SMPD3: variants seen among roughly 807,000 people sequenced by gnomAD.
The protein encoded by SMPD3 is nSMase-2.
Under a neutral mutation model 55.7 loss-of-function variants are expected in SMPD3, and 21 were observed. That is an observed-to-expected ratio of 0.38 (90% CI 0.27 to 0.54). The LOEUF (loss-of-function observed/expected upper bound fraction) is 0.54, where lower values mean the gene tolerates loss of function less well. Among genes scored for constraint, SMPD3 ranks in the 20% least tolerant of loss-of-function variants. The pLI is 0.80. For synonymous variants in SMPD3, 457 were observed against 404.3 expected (o/e 1.13, Z -1.56); for missense variants, 842 against 899.6 (o/e 0.94, Z 0.82).
At chr16:68,400,806 A>G (rs1257075840) in intron 1 of SMPD3, among the ~76,000 whole-genome samples, 1 of 152,250 alleles carries the variant, frequency 6.6e-6, no homozygotes, top group Non-Finnish European at 1.5e-5. Context: ...GGGCAGGGCC[A>G]GTCATACCAG....
chr16:68,435,221 G>A (rs573697909), intron 1 of SMPD3, among the ~76,000 whole-genome samples: 2 of 152,312 alleles, frequency 1.3e-5, no homozygotes, highest in South Asian at 4.1e-4. Context: ...GGGTAGGTTG[G>A]GGGAAAGGGA....
intron 1 of SMPD3, among the ~76,000 whole-genome samples, chr16:68,431,226 C>G (rs983466225): frequency 1.3e-5 from 2 of 152,204 alleles, no homozygotes; most frequent in African/African-American, 4.8e-5. Flanking sequence ...TGATGACATG[C>G]TTGGTTCTGA....
intron 7 of SMPD3, 31 bp from the exon 8 acceptor site, chr16:68,361,790 C>T (rs1156724205): frequency 1.2e-6 from 2 of 1,605,362 alleles, no homozygotes; most frequent in Non-Finnish European, 1.7e-6. Context: ...CAGGTGGGCC[C>T]CCATGCCCGC....
intron 1 of SMPD3, among the ~76,000 whole-genome samples, chr16:68,410,901 G>A (rs1006098805): frequency 6.6e-6 from 1 of 152,232 alleles, no homozygotes; most frequent in East Asian, 1.9e-4. Context: ...TCCTAATGAC[G>A]GGCCATGGCA....
At position 68,371,190 on chromosome 16, in the gene SMPD3, T is replaced by C. The variant is rs1287199727; in HGVS notation, c.992A>G (p.Lys331Arg). The C allele has an allele frequency of 3.6e-5, 58 of 1,612,200 alleles. No homozygotes were observed. The highest frequency in any genetic ancestry group is 4.9e-5 in the Non-Finnish European group (58 of 1,179,698). ...SKLLYKASVV[K>R]KAAARRRRHP... The stretch of plus-strand genomic sequence containing the variant: ...CCGCCTCCTGCGTGCAGCCGCCTTC[T>C]TCACCACCGAGGCCTTGTACAGGAG... The change falls in exon 3 of 9, where the codon AAG becomes AGG. Residue 331 changes from lysine (K) to arginine (R), a missense_variant. Physicochemically the swap from Lys to Arg is conservative, Grantham distance 26. Coordinates refer to ENST00000219334, the MANE Select transcript of SMPD3 (RefSeq NM_018667.4).
intron 3 of SMPD3, among the ~76,000 whole-genome samples, chr16:68,367,167 T>C (rs1388199604): frequency 6.6e-6 from 1 of 152,018 alleles, no homozygotes; most frequent in African/African-American, 2.4e-5. Context: ...TGAGACTGTC[T>C]CAAAATAAAT....
intron 3 of SMPD3, 40 bp downstream of exon 3, chr16:68,370,819 A>G (rs778236369): frequency 6.2e-7 from 1 of 1,607,582 alleles, no homozygotes; most frequent in Non-Finnish European, 8.5e-7. Flanking sequence ...CTCTAGGACC[A>G]GCTGGCACGT....
At chr16:68,405,052 T>C (rs2090242048) in intron 1 of SMPD3, among the ~76,000 whole-genome samples, 1 of 152,248 alleles carries the variant, frequency 6.6e-6, no homozygotes, top group Non-Finnish European at 1.5e-5. Flanking sequence ...TTATCATTTG[T>C]GGCATCTGCC....
intron 1 of SMPD3, among the ~76,000 whole-genome samples, chr16:68,418,249 G>A (rs963250033): frequency 1.3e-5 from 2 of 151,052 alleles, no homozygotes; most frequent in Admixed American, 6.6e-5. Context: ...CCGTGTAGAT[G>A]CCCACCGAGT....
At chr16:68,405,545 CA>C (rs67518521) in intron 1 of SMPD3, among the ~76,000 whole-genome samples, 32,971 of 73,726 alleles carry the variant, frequency 0.45, 4,146 homozygotes, top group East Asian at 0.65. Flanking sequence ...GACCCTGTCT[CA>C]AAAAAAAAAA....
At chr16:68,439,664 A>G (rs1041569661) in intron 1 of SMPD3, among the ~76,000 whole-genome samples, 2 of 152,170 alleles carry the variant, frequency 1.3e-5, no homozygotes, top group Non-Finnish European at 2.9e-5. Context: ...TTACAGTTCA[A>G]CGTGCTCTGT....
At chr16:68,413,308 C>T (rs1332517291) in intron 1 of SMPD3, among the ~76,000 whole-genome samples, 2 of 152,212 alleles carry the variant, frequency 1.3e-5, no homozygotes, top group Admixed American at 1.3e-4. Flanking sequence ...GGATAAAGCT[C>T]CCCTTTCCAC....
At position 68,372,071 on chromosome 16, in the gene SMPD3, G is replaced by A. The variant is rs752630748; in HGVS notation, c.111C>T (p.Ser37=). 6.2e-7 allele frequency: 1 copy of A among 1,607,320 alleles called. No homozygotes were observed. The highest frequency in any genetic ancestry group is 8.5e-7 in the Non-Finnish European group (1 of 1,177,718). The change falls in exon 3 of 9, where the codon TCC becomes TCT. Residue 37 remains serine, a synonymous_variant. Transcript: ENST00000219334. ...CYWLVDRLAA[S]FIPTTYEKRQ... is the part of the protein sequence containing the mutation. ...GCTTCTCGTAGGTGGTGGGTATGAA[G>A]GAGGCAGCGAGCCGGTCCACCAGCC...
chr16:68,363,931 C>T, intron 5 of SMPD3, 65 bp from the exon 6 acceptor site: 1 of 1,414,032 alleles, frequency 7.1e-7, no homozygotes, highest in South Asian at 1.2e-5. Flanking sequence ...GGCCTGTGCC[C>T]CTGCTTCCCA....
chr16:68,388,322 C>T (rs369198152), intron 1 of SMPD3, among the ~76,000 whole-genome samples: 6 of 152,282 alleles, frequency 3.9e-5, no homozygotes, highest in East Asian at 3.9e-4. Flanking sequence ...CCTGCTGTCC[C>T]GGCCTGTCCT....
intron 1 of SMPD3, among the ~76,000 whole-genome samples, chr16:68,425,025 G>C (rs1438956952): frequency 6.6e-6 from 1 of 152,168 alleles, no homozygotes; most frequent in Non-Finnish European, 1.5e-5. Flanking sequence ...TTATAAACCA[G>C]AAGAATGTTC....
chr16:68,358,705 C>G lies in SMPD3; in HGVS notation c.*2501G>C, dbSNP rs2089005301. 6.6e-6 allele frequency: 1 copy of G among 152,556 alleles called. No individual in the cohort carries two copies. Among genetic ancestry groups the G allele is most frequent in the Non-Finnish European group, 1.5e-5 (1 of 68,044 alleles). 9.5% of individuals were successfully genotyped at this position (152,556 alleles called of 1,614,324 possible). Reference sequence around the variant, plus strand: ...ATTTCCTTCCTCAGTGGCCCCCGCGCCTTGTGGCTTCCTTTGAGACTGGGC... The same window carrying G: ...ATTTCCTTCCTCAGTGGCCCCCGCGGCTTGTGGCTTCCTTTGAGACTGGGC... On this transcript the variant is annotated 3_prime_UTR_variant, in exon 9 of 9. Coordinates refer to ENST00000219334, the MANE Select transcript of SMPD3 (RefSeq NM_018667.4).
chr16:68,361,300 T>G lies in SMPD3; in HGVS notation c.1874A>C (p.Glu625Ala). Reference sequence around the variant, plus strand: ...CAGCTGGGTGATAAAACTGAATTCTTCCACCTCCTGGGGTGAGTGGGAGAG... The same window carrying G: ...CAGCTGGGTGATAAAACTGAATTCTGCCACCTCCTGGGGTGAGTGGGAGAG... Reference protein sequence around the residue: ...GLCPDWKAEVEEFSFITQLSG... With the variant: ...GLCPDWKAEVAEFSFITQLSG... Residue 625 changes from glutamate (E) to alanine (A), a missense_variant, in exon 9 of 9, where the codon GAA (glutamate) becomes GCA (alanine). Physicochemically the swap from Glu to Ala is moderately radical, Grantham distance 107. This residue lies in a region of SMPD3 where 649 missense variants were observed against 643.6 expected (regional missense o/e 1.01). Coordinates refer to ENST00000219334, the MANE Select transcript of SMPD3 (RefSeq NM_018667.4). 1.9e-6 allele frequency: 3 copies of G among 1,610,826 alleles called. No homozygotes were observed. Among genetic ancestry groups the G allele is most frequent in the African/African-American group, 2.7e-5 (2 of 74,900 alleles).
chr16:68,364,728 A>G (rs1462713125), intron 5 of SMPD3, 23 bp downstream of exon 5: 2 of 1,601,536 alleles, frequency 1.2e-6, no homozygotes, highest in East Asian at 2.2e-5. Context: ...TGGAGACCTG[A>G]GTGGGGAGGA....
Sources: allele counts gnomAD v4.1 joint callset (sites outside exome capture counted in the v4.1 genomes callset), GRCh38; gene constraint gnomAD v4.1.1; regional missense constraint gnomAD v4.1.1; transcripts MANE v1.5; gene names NCBI Gene and HGNC (gene_info 2026-07-23, HGNC 2026-07-21).